PLA2G4A: variants seen among roughly 807,000 people sequenced by gnomAD.
The protein encoded by PLA2G4A is cytosolic phospholipase A2.
A neutral mutation model predicts 81.9 loss-of-function variants in PLA2G4A; 40 were observed. That is an observed-to-expected ratio of 0.49 (90% CI 0.38 to 0.64). The LOEUF is 0.64. PLA2G4A is among the 30% of genes least tolerant of loss of function. The pLI is 0.00. For synonymous variants in PLA2G4A, 302 were observed against 296.9 expected (o/e 1.02, Z -0.18); for missense variants, 715 against 905.1 (o/e 0.79, Z 2.69).
intron 16 of PLA2G4A, 136 bp from the exon 17 acceptor site, chr1:186,979,179 T>C: frequency 2.8e-6 from 2 of 704,690 alleles, no homozygotes; most frequent in Non-Finnish European, 5.2e-6. Context: ...ACGATAAAAG[T>C]CAGAGATGCT....
At chr1:186,924,986 TGCGGTGA>T (rs575415800) in intron 7 of PLA2G4A, among the ~76,000 whole-genome samples, 218 of 152,066 alleles carry the variant, frequency 1.4e-3, no homozygotes, top group African/African-American at 5.1e-3. Flanking sequence ...AAGTAGAGGC[TGCGGTGA>T]GCCAAGATGG....
chr1:186,951,129 T>C (rs1392737428), intron 13 of PLA2G4A, among the ~76,000 whole-genome samples: 1 of 143,020 alleles, frequency 7.0e-6, no homozygotes, highest in Non-Finnish European at 1.5e-5. Flanking sequence ...TGAAAAATTA[T>C]ATTCTCACTC....
chr1:186,889,870 T>C (rs1654073547), intron 3 of PLA2G4A, among the ~76,000 whole-genome samples: 1 of 152,040 alleles, frequency 6.6e-6, no homozygotes. Flanking sequence ...ATAGAATCCA[T>C]ACCCTGTAAT....
At chr1:186,924,728 C>T (rs557592193) in intron 7 of PLA2G4A, among the ~76,000 whole-genome samples, 112 of 152,070 alleles carry the variant, frequency 7.4e-4, no homozygotes, top group Non-Finnish European at 1.3e-3. Context: ...TGCATGCCAC[C>T]ATGCCCCATG....
At chr1:186,915,442 C>T (rs1419891064) in intron 7 of PLA2G4A, among the ~76,000 whole-genome samples, 1 of 152,120 alleles carries the variant, frequency 6.6e-6, no homozygotes, top group Non-Finnish European at 1.5e-5. Flanking sequence ...CAACTTGTGC[C>T]CAAGTAGCAG....
At chr1:186,857,279 C>A in intron 2 of PLA2G4A, among the ~76,000 whole-genome samples, 1 of 88,214 alleles carries the variant, frequency 1.1e-5, no homozygotes, top group African/African-American at 4.2e-5. Flanking sequence ...AGGCTGACTG[C>A]CTTATATTAT....
chr1:186,842,821 C>T (rs533152476), intron 1 of PLA2G4A, among the ~76,000 whole-genome samples: 3 of 152,180 alleles, frequency 2.0e-5, no homozygotes, highest in East Asian at 3.8e-4. Flanking sequence ...TTAAGCCACT[C>T]GGTCTGTGAT....
chr1:186,954,766 C>A (rs1347883227), intron 13 of PLA2G4A, among the ~76,000 whole-genome samples: 1 of 151,696 alleles, frequency 6.6e-6, no homozygotes, highest in African/African-American at 2.4e-5. Context: ...TCCTAGAAAT[C>A]AGAAAAAAAC....
At chr1:186,977,503 A>G in intron 15 of PLA2G4A, 90 bp from the exon 16 acceptor site, 1 of 800,558 alleles carries the variant, frequency 1.2e-6, no homozygotes, top group South Asian at 1.4e-5. Context: ...GGCACACAGT[A>G]GACACCTAGT....
rs34724808 is a variant in PLA2G4A at position 186,847,357 on chromosome 1, CGTGTGTGTGT to C, written c.-69-6908_-69-6899del. ...CTTTCTTTTGTGCTATTATTTCATA[CGTGTGTGTGT>C]GTGTGTGTGTGTGTGTGTGTCTATA... On this transcript the variant is annotated intron_variant, in intron 1 of 17. Transcript: ENST00000367466. Among the ~76,000 whole-genome samples, 4 of 146,292 alleles carry C rather than the reference CGTGTGTGTGT, an allele frequency of 2.7e-5. No individual in the cohort carries two copies. The South Asian group carries it at 6.6e-4, about 24-fold the overall frequency.
intron 10 of PLA2G4A, 30 bp downstream of exon 10, chr1:186,940,124 C>G: frequency 8.6e-7 from 1 of 1,165,352 alleles, no homozygotes; most frequent in Non-Finnish European, 1.3e-6. Flanking sequence ...AGAACACTTC[C>G]TGGAACCTCT....
At chr1:186,867,009 A>G (rs1039946755) in intron 2 of PLA2G4A, among the ~76,000 whole-genome samples, 8 of 151,726 alleles carry the variant, frequency 5.3e-5, no homozygotes, top group African/African-American at 1.9e-4. Flanking sequence ...GACTTTATTT[A>G]TGTGCGTCTG....
chr1:186,917,172 C>G (rs1655169990), intron 7 of PLA2G4A, among the ~76,000 whole-genome samples: 1 of 152,096 alleles, frequency 6.6e-6, no homozygotes, highest in African/African-American at 2.4e-5. Context: ...ACATTCCAGT[C>G]CTTGATTCAT....
At chr1:186,936,258 T>C (rs974581452) in intron 8 of PLA2G4A, among the ~76,000 whole-genome samples, 1 of 151,926 alleles carries the variant, frequency 6.6e-6, no homozygotes, top group Admixed American at 6.6e-5. Context: ...AAAAAATTCT[T>C]AGAACAATGA....
At chr1:186,847,793 C>G (rs1259984060) in intron 1 of PLA2G4A, among the ~76,000 whole-genome samples, 1 of 151,680 alleles carries the variant, frequency 6.6e-6, no homozygotes, top group Non-Finnish European at 1.5e-5. Flanking sequence ...CTACTAATTC[C>G]CAATCAAGAG....
intron 10 of PLA2G4A, 105 bp from the exon 11 acceptor site, chr1:186,946,532 A>AAG: frequency 2.4e-6 from 2 of 837,406 alleles, no homozygotes; most frequent in Non-Finnish European, 4.1e-6. Context: ...TTTTAAATAC[A>AAG]TGAATGAGAA....
intron 3 of PLA2G4A, among the ~76,000 whole-genome samples, chr1:186,891,008 T>C (rs932876920): frequency 2.0e-5 from 3 of 152,166 alleles, no homozygotes; most frequent in South Asian, 2.1e-4. Context: ...ACAAGGCAAC[T>C]CTATAACAAT....
At chr1:186,861,022 C>T (rs750947112) in intron 2 of PLA2G4A, among the ~76,000 whole-genome samples, 2 of 152,192 alleles carry the variant, frequency 1.3e-5, no homozygotes, top group African/African-American at 2.4e-5. Context: ...TGACATGACT[C>T]GTTATATTCC....
At chr1:186,959,505 A>G (rs757868327) in intron 14 of PLA2G4A, among the ~76,000 whole-genome samples, 9 of 152,104 alleles carry the variant, frequency 5.9e-5, no homozygotes, top group Admixed American at 6.6e-5. Context: ...ATTCATTTTT[A>G]TGTATTCAGT....
Sources: allele counts gnomAD v4.1 joint callset (sites outside exome capture counted in the v4.1 genomes callset), GRCh38; gene constraint gnomAD v4.1.1; transcripts MANE v1.5; gene names NCBI Gene and HGNC (gene_info 2026-07-23, HGNC 2026-07-21).